Variants in EXPH5 observed in about 807,000 individuals in gnomAD.
The protein encoded by EXPH5 is exophilin-5.
A neutral mutation model predicts 41.1 loss-of-function variants in EXPH5; 42 were observed. That is an observed-to-expected ratio of 1.02 (90% confidence interval 0.80 to 1.32). The LOEUF (loss-of-function observed/expected upper bound fraction) is 1.32. Among genes scored for constraint, EXPH5 ranks in the 40% most tolerant of loss-of-function variants. The probability of loss-of-function intolerance (pLI) is 0.00; values close to 1 mark genes in which losing one functional copy is unlikely to be tolerated. For synonymous variants in EXPH5, 798 were observed against 833.5 expected, an observed-to-expected ratio of 0.96 and a Z score of 0.73; for missense variants, 2,298 against 2,314.5, an observed-to-expected ratio of 0.99 and a Z score of 0.15.
chr11:108,571,808 C>A (rs1459624898), intron 1 of EXPH5, among the ~76,000 whole-genome samples: 1 of 152,076 alleles, frequency 6.6e-6, no homozygotes, highest in Admixed American at 6.6e-5. Context: ...CGCTTGTAAT[C>A]CCAGCACTTT....
Position 108,512,183 on chromosome 11 carries a change from A to G in EXPH5, c.3324T>C (p.Thr1108=). 1.2e-6 allele frequency: 2 copies of G among 1,611,312 alleles called. No individual in the cohort carries two copies. The highest frequency in any genetic ancestry group is 2.7e-5 in the African/African-American group (2 of 74,836). The part of the protein sequence containing the change: ...RMTNVKSSGS[T]SVRKGPLPFL... ...ATGGAAGTGGTCCTTTTCTAACGGAAGTAGATCCACTGCTTTTTACATTTG... is the reference window on the plus strand; with the variant it reads ...ATGGAAGTGGTCCTTTTCTAACGGAGGTAGATCCACTGCTTTTTACATTTG... The change falls in exon 6 of 6, where the codon ACT becomes ACC. Residue 1108 remains threonine (T), a synonymous_variant. Coordinates refer to ENST00000265843, the MANE Select transcript of EXPH5 (RefSeq NM_015065.3).
intron 1 of EXPH5, among the ~76,000 whole-genome samples, chr11:108,542,424 G>A (rs1478041674): frequency 6.6e-6 from 1 of 151,832 alleles, no homozygotes; most frequent in African/African-American, 2.4e-5. Flanking sequence ...AGGCTGATGA[G>A]GACAACCTGG....
At chr11:108,598,354 G>A (rs918690293), upstream of EXPH5, among the ~76,000 whole-genome samples, 3 of 152,228 alleles carry the variant, frequency 2.0e-5, no homozygotes, top group East Asian at 1.9e-4. Context: ...TTATGGGCAT[G>A]TAGTATTTGT....
chr11:108,606,363 C>T, the EXPH5 span, among the ~76,000 whole-genome samples: 2 of 152,180 alleles, frequency 1.3e-5, no homozygotes, highest in African/African-American at 4.8e-5. Context: ...ACCTTCTGCT[C>T]CCCAATCTCC....
intron 1 of EXPH5, among the ~76,000 whole-genome samples, chr11:108,551,009 G>A (rs979555012): frequency 6.6e-6 from 1 of 152,016 alleles, no homozygotes; most frequent in African/African-American, 2.4e-5. Flanking sequence ...CCCTGTCTTC[G>A]GGTGAAATCA....
Position 108,518,220 on chromosome 11 carries a change from A to G in EXPH5, c.631+15T>C, listed in dbSNP as rs747037356. 1.9e-6 allele frequency: 3 copies of G among 1,607,046 alleles called. No individual in the cohort carries two copies. The South Asian group carries it at 3.4e-5, about 18-fold the overall frequency. On this transcript the variant is annotated intron_variant, in intron 5 of 5. Transcript: ENST00000265843. ...TTATCAGTAGTTGCAAAGGCAATTT[A>G]ATGCATGAACTTACCTTGGAAAAAC...
At chr11:108,591,709 T>G (rs975449083) in intron 1 of EXPH5, among the ~76,000 whole-genome samples, 1 of 152,242 alleles carries the variant, frequency 6.6e-6, no homozygotes, top group African/African-American at 2.4e-5. Context: ...GCCCAATGGC[T>G]TTGTGTAGAT....
chr11:108,566,516 T>A (rs1001024168), intron 1 of EXPH5, among the ~76,000 whole-genome samples: 2 of 152,162 alleles, frequency 1.3e-5, no homozygotes, highest in African/African-American at 4.8e-5. Flanking sequence ...TTGATTATTA[T>A]CTATTAATAG....
chr11:108,538,376 C>A, intron 3 of EXPH5: 1 of 374,274 alleles, frequency 2.7e-6, no homozygotes, highest in Non-Finnish European at 3.7e-6. Flanking sequence ...CAAAGTAATC[C>A]AACAACATAA....
intron 4 of EXPH5, among the ~76,000 whole-genome samples, chr11:108,518,663 G>A (rs149481376): frequency 2.0e-5 from 3 of 152,320 alleles, no homozygotes; most frequent in African/African-American, 7.2e-5. Flanking sequence ...AGAGGCGTTT[G>A]AATCAGGGCA....
chr11:108,545,676 G>A (rs1372048037), intron 1 of EXPH5, among the ~76,000 whole-genome samples: 3 of 152,074 alleles, frequency 2.0e-5, no homozygotes, highest in Non-Finnish European at 4.4e-5. Flanking sequence ...AGCAAGGTGG[G>A]AGGATCAATT....
chr11:108,566,974 C>A (rs2094037456), intron 1 of EXPH5, among the ~76,000 whole-genome samples: 1 of 152,180 alleles, frequency 6.6e-6, no homozygotes, highest in South Asian at 2.1e-4. Flanking sequence ...GCCACAAAAC[C>A]CTTTAACACA....
At chr11:108,588,077 T>C (rs1247898553) in intron 1 of EXPH5, among the ~76,000 whole-genome samples, 10 of 152,176 alleles carry the variant, frequency 6.6e-5, no homozygotes, top group Non-Finnish European at 1.3e-4. Flanking sequence ...ATATGATAAC[T>C]AAAAAATAAA....
chr11:108,513,286 C>G lies in EXPH5; in HGVS notation c.2221G>C (p.Asp741His), dbSNP rs146857158. 2.5e-4 allele frequency: 395 copies of G among 1,611,758 alleles called. 3 individuals carry two copies. The highest frequency in any genetic ancestry group is 8.3e-4 in the Middle Eastern group (5 of 6,054). The change falls in exon 6 of 6, where the codon GAT becomes CAT. Residue 741 changes from aspartate to histidine, a missense_variant. Asp to His is a moderately conservative substitution (Grantham distance 81, BLOSUM62 -1). Coordinates refer to ENST00000265843, the MANE Select transcript of EXPH5 (RefSeq NM_015065.3). Reference sequence around the variant, plus strand: ...TCCTGGGATAAGGGATTTTGAAAATCAGGTAAAGAGTTTGAGATCCCTGTC... The same window carrying G: ...TCCTGGGATAAGGGATTTTGAAAATGAGGTAAAGAGTTTGAGATCCCTGTC... Reference protein sequence around the residue: ...SQTGISNSLPDFQNPLSQDSA... With the variant: ...SQTGISNSLPHFQNPLSQDSA...
rs1269978899 is a variant in EXPH5, at chr11:108,541,599, A to T, written c.280+53T>A. ...GATCCACTGGGCCATTATCTACAAT[A>T]CTATGCCACAGAAACAAAGAAATCA... On this transcript the variant is annotated intron_variant, in intron 2 of 5. Coordinates refer to ENST00000265843, the MANE Select transcript of EXPH5 (RefSeq NM_015065.3). 6 of 1,284,530 alleles carry T rather than the reference A, an allele frequency of 4.7e-6. No individual in the cohort carries two copies. In the East Asian group the frequency reaches 1.4e-4, roughly 30 times the overall value. 79.6% of individuals were successfully genotyped at this position (1,284,530 alleles called of 1,614,324 possible).
At chr11:108,591,097 G>A (rs573002829) in intron 1 of EXPH5, among the ~76,000 whole-genome samples, 1 of 152,304 alleles carries the variant, frequency 6.6e-6, no homozygotes, top group African/African-American at 2.4e-5. Context: ...CTAGTCAAGA[G>A]GTCTTGAAGC....
At chr11:108,528,442 G>C (rs1004858353) in intron 3 of EXPH5, among the ~76,000 whole-genome samples, 1 of 152,136 alleles carries the variant, frequency 6.6e-6, no homozygotes, top group African/African-American at 2.4e-5. Flanking sequence ...ATTTGCATTT[G>C]AGCACAACAT....
chr11:108,512,612 A>G lies in EXPH5; in HGVS notation c.2895T>C (p.Ser965=). 1 of 1,613,344 alleles carries G rather than the reference A, an allele frequency of 6.2e-7. No homozygotes were observed. The highest frequency in any genetic ancestry group is 2.2e-5 in the East Asian group (1 of 44,874). ...EVVDVKCHSH[S]PFRNERGKGK... Reference sequence around the variant, plus strand: ...CTTTTCCTCTTTCATTCCTAAAAGGAGAGTGTGAATGGCATTTGACATCAA... The same window carrying G: ...CTTTTCCTCTTTCATTCCTAAAAGGGGAGTGTGAATGGCATTTGACATCAA... The change falls in exon 6 of 6, where the codon TCT becomes TCC. Residue 965 remains serine (S), a synonymous_variant. Transcript: ENST00000265843.
the EXPH5 span, among the ~76,000 whole-genome samples, chr11:108,599,252 A>G: frequency 6.6e-6 from 1 of 152,182 alleles, no homozygotes; most frequent in Admixed American, 6.5e-5. Flanking sequence ...TTGAAAATGT[A>G]GCATAATGAC....
Sources: allele counts gnomAD v4.1 joint callset (sites outside exome capture counted in the v4.1 genomes callset), GRCh38; gene constraint gnomAD v4.1.1; transcripts MANE v1.5; gene names NCBI Gene and HGNC (gene_info 2026-07-23, HGNC 2026-07-21).